TSHZ2: variants seen among roughly 807,000 people sequenced by gnomAD.
The protein encoded by TSHZ2 is teashirt homolog 2.
A neutral mutation model predicts 74.4 loss-of-function variants in TSHZ2; 21 were observed. The observed-to-expected ratio is 0.28, with a 90% confidence interval of 0.20 to 0.41. The LOEUF is 0.41. Ranked by LOEUF, TSHZ2 falls within the 10% of genes least tolerant of loss-of-function variation. The pLI is 1.00. For missense variants in TSHZ2, 1,244 were observed against 1,293.5 expected (o/e 0.96, Z 0.59); for synonymous variants, 540 against 515.3 (o/e 1.05, Z -0.65).
intron 2 of TSHZ2, among the ~76,000 whole-genome samples, chr20:53,461,776 T>G (rs1985381805): frequency 6.6e-6 from 1 of 152,254 alleles, no homozygotes; most frequent in African/African-American, 2.4e-5. Context: ...CATCTGAGAT[T>G]GCTCTTCTTC....
At chr20:53,025,214 T>C (rs1983395078) in intron 1 of TSHZ2, among the ~76,000 whole-genome samples, 1 of 151,830 alleles carries the variant, frequency 6.6e-6, no homozygotes, top group Non-Finnish European at 1.5e-5. Context: ...TCCTATTTGC[T>C]CATAGTATTT....
At chr20:53,112,205 G>T (rs1289840276) in intron 1 of TSHZ2, among the ~76,000 whole-genome samples, 1 of 152,186 alleles carries the variant, frequency 6.6e-6, no homozygotes, top group Non-Finnish European at 1.5e-5. Context: ...AGGGAGCAGG[G>T]AGAGCAGAAC....
intron 2 of TSHZ2, among the ~76,000 whole-genome samples, chr20:53,418,018 T>C (rs1983331640): frequency 1.3e-5 from 2 of 152,034 alleles, no homozygotes; most frequent in South Asian, 4.1e-4. Flanking sequence ...AACAAGATAA[T>C]AGCACTTATT....
chr20:53,361,238 G>A (rs1007267598), intron 2 of TSHZ2, among the ~76,000 whole-genome samples: 1 of 152,218 alleles, frequency 6.6e-6, no homozygotes, highest in African/African-American at 2.4e-5. Flanking sequence ...CAGGATCTTT[G>A]AATTTAGATG....
chr20:53,044,976 G>A (rs1036100207), intron 1 of TSHZ2, among the ~76,000 whole-genome samples: 1 of 152,138 alleles, frequency 6.6e-6, no homozygotes, highest in African/African-American at 2.4e-5. Context: ...TGGGATTACA[G>A]GTGCAAGCCA....
chr20:53,018,198 A>G (rs1299913732), intron 1 of TSHZ2, among the ~76,000 whole-genome samples: 1 of 152,176 alleles, frequency 6.6e-6, no homozygotes, highest in African/African-American at 2.4e-5. Context: ...TTGCAGCCTC[A>G]AGACGGCAGC....
At chr20:53,268,142 G>T (rs1419261135) in intron 2 of TSHZ2, among the ~76,000 whole-genome samples, 1 of 152,212 alleles carries the variant, frequency 6.6e-6, no homozygotes, top group African/African-American at 2.4e-5. Context: ...CATAAAAAAG[G>T]CAGGGGGCGG....
intron 1 of TSHZ2, among the ~76,000 whole-genome samples, chr20:53,150,805 T>G (rs1314591672): frequency 1.3e-5 from 2 of 151,868 alleles, no homozygotes; most frequent in Admixed American, 6.6e-5. Flanking sequence ...TAAAAGCAAA[T>G]AAGAAAACTA....
intron 2 of TSHZ2, among the ~76,000 whole-genome samples, chr20:53,340,932 T>A (rs766117454): frequency 4.6e-5 from 7 of 152,154 alleles, no homozygotes; most frequent in Non-Finnish European, 1.0e-4. Flanking sequence ...CTGAAAAAAA[T>A]TGAGCGCAAT....
At chr20:53,468,021 T>A (rs1600663956) in intron 2 of TSHZ2, among the ~76,000 whole-genome samples, 1 of 151,846 alleles carries the variant, frequency 6.6e-6, no homozygotes, top group Non-Finnish European at 1.5e-5. Context: ...GAAAAAAAAA[T>A]AACACCACTC....
chr20:53,364,851 A>G (rs376978193), intron 2 of TSHZ2, among the ~76,000 whole-genome samples: 6 of 152,342 alleles, frequency 3.9e-5, no homozygotes, highest in African/African-American at 1.2e-4. Context: ...ATTTGGGCAG[A>G]TGCCTGATTA....
chr20:52,993,801 T>C (rs1191922855), intron 1 of TSHZ2, among the ~76,000 whole-genome samples: 2 of 152,252 alleles, frequency 1.3e-5, no homozygotes, highest in Non-Finnish European at 2.9e-5. Context: ...TGACACATAG[T>C]ACACTGAGCA....
intron 1 of TSHZ2, among the ~76,000 whole-genome samples, chr20:53,059,399 A>G (rs547497165): frequency 6.6e-6 from 1 of 152,318 alleles, no homozygotes; most frequent in South Asian, 2.1e-4. Context: ...GGGCAGAGGA[A>G]ATGAAAAACT....
intron 1 of TSHZ2, among the ~76,000 whole-genome samples, chr20:53,149,989 T>A (rs1292205495): frequency 6.6e-6 from 1 of 152,220 alleles, no homozygotes; most frequent in African/African-American, 2.4e-5. Context: ...CTTATTCTAC[T>A]CCCTGTGCCA....
At chr20:53,389,377 A>G (rs1982168300) in intron 2 of TSHZ2, among the ~76,000 whole-genome samples, 1 of 152,178 alleles carries the variant, frequency 6.6e-6, no homozygotes, top group African/African-American at 2.4e-5. Context: ...TTGTGTCTCT[A>G]TTGCTTGTTG....
chr20:53,263,155 A>G (rs1031694410), intron 2 of TSHZ2, among the ~76,000 whole-genome samples: 13 of 152,250 alleles, frequency 8.5e-5, no homozygotes, highest in Admixed American at 7.2e-4. Flanking sequence ...AATAAACAAA[A>G]AATAGATACT....
At chr20:53,169,221 G>A (rs1732842983) in intron 1 of TSHZ2, among the ~76,000 whole-genome samples, 1 of 152,128 alleles carries the variant, frequency 6.6e-6, no homozygotes, top group South Asian at 2.1e-4. Context: ...ATTGAGAGTT[G>A]GTTCTCACCT....
chr20:52,987,468 CTCTT>C (rs1037061689), intron 1 of TSHZ2, among the ~76,000 whole-genome samples: 1 of 150,162 alleles, frequency 6.7e-6, no homozygotes, highest in Admixed American at 6.9e-5. Context: ...CTCTCTCTCT[CTCTT>C]TCTCTCTCCT....
chr20:53,000,829 G>T (rs553933718), intron 1 of TSHZ2, among the ~76,000 whole-genome samples: 3 of 152,224 alleles, frequency 2.0e-5, no homozygotes, highest in Admixed American at 1.3e-4. Context: ...CTCTTCCAGC[G>T]CTCTGATTCC....
Sources: gnomAD v4.1 joint callset for allele counts (sites outside exome capture counted in the v4.1 genomes callset) on GRCh38, gnomAD v4.1.1 for gene constraint, MANE v1.5 for transcripts, NCBI Gene and HGNC (gene_info 2026-07-23, HGNC 2026-07-21) for gene names.